The following SGO1 variants were observed in gnomAD, a reference collection of about 807,000 sequenced individuals.
SGO1 encodes the protein shugoshin 1, also known as serologically defined breast cancer antigen NY-BR-85.
In SGO1, 39 loss-of-function variants were observed where a neutral mutation model predicts 50.5. That is an observed-to-expected ratio of 0.77 (90% CI 0.60 to 1.01). SGO1 has a LOEUF of 1.01. Ranked by LOEUF, SGO1 falls within the 50% of genes least tolerant of loss-of-function variation. The pLI, the probability that SGO1 is intolerant of heterozygous loss-of-function variation, is 0.00. For synonymous variants in SGO1, 191 were observed against 205.1 expected, an observed-to-expected ratio of 0.93 and a Z score of 0.59; for missense variants, 638 against 606.0, an observed-to-expected ratio of 1.05 and a Z score of -0.55.
chr3:20,183,364 T>C (rs1347609060), intron 3 of SGO1, among the ~76,000 whole-genome samples: 3 of 152,238 alleles, frequency 2.0e-5, no homozygotes, highest in African/African-American at 7.2e-5. Flanking sequence ...CTATTTCTTC[T>C]GGATCCTGTT....
intron 3 of SGO1, among the ~76,000 whole-genome samples, chr3:20,180,809 A>G (rs571490401): frequency 6.6e-6 from 1 of 152,380 alleles, no homozygotes; most frequent in South Asian, 2.1e-4. Flanking sequence ...CATTAAAAAC[A>G]AAACAACTAG....
chr3:20,178,504 A>C (rs1701648644), intron 3 of SGO1, among the ~76,000 whole-genome samples, 157 bp from the exon 4 acceptor site: 1 of 152,246 alleles, frequency 6.6e-6, no homozygotes, highest in Admixed American at 6.5e-5. Flanking sequence ...AGTAAGTCTT[A>C]TCCTTTTAAA....
At chr3:20,177,361 C>A (rs929322744) in intron 4 of SGO1, 1 of 152,166 alleles carries the variant, frequency 6.6e-6, no homozygotes, top group Non-Finnish European at 1.5e-5. Context: ...AGTTTAAAAA[C>A]TACTAATGAT....
chr3:20,168,891 C>T, downstream of SGO1: 1 of 975,128 alleles, frequency 1.0e-6, no homozygotes, highest in Non-Finnish European at 1.2e-6. Flanking sequence ...CCTTGGCCTC[C>T]CAAAGTGCTG....
At position 20,174,677 on chromosome 3, in the gene SGO1, C is replaced by A; in HGVS notation, c.854G>T (p.Arg285Ile). ...SKSEQTKSKQ[R>I]DTQERKREEK... ...TTCTCTTTTTCTTTCTTGTGTATCT[C>A]TTTGCTTACTTTTAGTTTGTTCAGA... The change falls in exon 6 of 8, where the codon AGA (arginine) becomes ATA (isoleucine). Residue 285 changes from arginine (R) to isoleucine (I), a missense_variant. Physicochemically the swap from Arg to Ile is moderately conservative, Grantham distance 97. Transcript: ENST00000412997. 1 of 1,610,682 alleles carries A rather than the reference C, an allele frequency of 6.2e-7. No homozygotes were observed. The highest frequency in any genetic ancestry group is 2.2e-5 in the East Asian group (1 of 44,852).
exon 9 of SGO1, chr3:20,160,964 G>C: frequency 7.8e-7 from 1 of 1,277,906 alleles, no homozygotes; most frequent in Non-Finnish European, 1.1e-6. Context: ...ATTTTATTAT[G>C]TATGTAGGCT....
At position 20,161,218 on chromosome 3, in the gene SGO1, C is replaced by T. The variant is rs369926768; in HGVS notation, c.1573G>A (p.Glu525Lys). ...ATTGCTTCTTTGGCAGGTGATACCTCCAGGGCTCCTGGTAAAAGCAAACAC... is the reference window on the plus strand; with the variant it reads ...ATTGCTTCTTTGGCAGGTGATACCTTCAGGGCTCCTGGTAAAAGCAAACAC... Residue 525 changes from glutamate to lysine, a missense_variant, in exon 9 of 9, where the codon GAG (glutamate) becomes AAG (lysine). Transcript: ENST00000263753. 1.3e-5 allele frequency: 20 copies of T among 1,589,932 alleles called. No individual in the cohort carries two copies. The African/African-American group carries it at 2.3e-4, about 18-fold the overall frequency.
Position 20,173,047 on chromosome 3 carries a change from T to C in SGO1, c.1282+1202A>G, listed in dbSNP as rs150625171. Among the ~76,000 whole-genome samples, 28 of 152,136 alleles carry C rather than the reference T, an allele frequency of 1.8e-4. No homozygotes were observed. In the East Asian group the frequency reaches 5.4e-3, roughly 29 times the overall value. On this transcript the variant is annotated intron_variant, in intron 6 of 7. Coordinates refer to ENST00000412997, the MANE Select transcript of SGO1 (RefSeq NM_001199251.3). ...GTACACAAAGATGGCAATAACAGTA[T>C]AATAAACTCTGAGTTACCCAGGTCC...
intron 7 of SGO1, 65 bp downstream of exon 7, chr3:20,170,978 C>A: frequency 6.7e-7 from 1 of 1,498,266 alleles, no homozygotes; most frequent in Admixed American, 2.5e-5. Context: ...TTGAACAAAG[C>A]TCCATAACCT....
In SGO1 at chr3:20,173,352, C is replaced by G. The variant is rs184249765; in HGVS notation, c.1282+897G>C. 2.9e-3 allele frequency among the ~76,000 whole-genome samples: 436 copies of G among 152,186 alleles called. 1 individual carries two copies. The highest frequency in any genetic ancestry group is 9.9e-3 in the African/African-American group (413 of 41,530). ...ATGGGGTTTCACCATGTTGGCCAGG[C>G]TGGTCTTGGACTCCTGACCTCAGGT... On this transcript the variant is annotated intron_variant, in intron 6 of 7. Transcript: ENST00000412997.
In SGO1 at chr3:20,169,924, CAG is replaced by C. The variant is rs1462268795; in HGVS notation, c.*778_*779del. ...ATATTTATTTTACTCGAATACTACA[CAG>C]AGTTTCAAAAGATCCACAATAATTT... On this transcript the variant is annotated 3_prime_UTR_variant, in exon 8 of 8. Coordinates refer to ENST00000412997, the MANE Select transcript of SGO1 (RefSeq NM_001199251.3). The C allele has an allele frequency of 5.3e-5, 52 of 983,544 alleles. No individual in the cohort carries two copies. The highest frequency in any genetic ancestry group is 1.6e-4 in the African/African-American group (9 of 57,176). The allele number at this position is 983,544 out of a possible 1,614,324, so 60.9% of individuals were successfully genotyped here.
chr3:20,162,657 G>C (rs1007377474), intron 8 of SGO1, among the ~76,000 whole-genome samples: 9 of 151,956 alleles, frequency 5.9e-5, no homozygotes, highest in Admixed American at 1.3e-4. Flanking sequence ...AGAAATGACA[G>C]AGATAATGGA....
chr3:20,166,675 T>C (rs998457496), downstream of SGO1, among the ~76,000 whole-genome samples: 7 of 151,726 alleles, frequency 4.6e-5, no homozygotes, highest in African/African-American at 1.7e-4. Flanking sequence ...TGCACAATCA[T>C]GTGAATGTAC....
At position 20,183,985 on chromosome 3, in the gene SGO1, G is replaced by A; in HGVS notation, c.43C>T (p.Leu15Phe). Residue 15 changes from leucine to phenylalanine, a missense_variant, in exon 2 of 8, where the codon CTT becomes TTT. Coordinates refer to ENST00000412997, the MANE Select transcript of SGO1 (RefSeq NM_001199251.3). The part of the protein sequence containing the change: ...RCLKKSFQDS[L>F]EDIKKRMKEK... Reference sequence around the variant, plus strand: ...TTCATTCGCTTCTTTATGTCTTCAAGACTATCTTGAAAGGACTTTTTCAGG... The same window carrying A: ...TTCATTCGCTTCTTTATGTCTTCAAAACTATCTTGAAAGGACTTTTTCAGG... The A allele has an allele frequency of 1.2e-6, 2 of 1,605,356 alleles. No homozygotes were observed. Among genetic ancestry groups the A allele is most frequent in the Non-Finnish European group, 1.7e-6 (2 of 1,178,016 alleles).
chr3:20,170,847 T>C (rs752787437), intron 7 of SGO1, 32 bp from the exon 8 acceptor site: 1 of 1,577,644 alleles, frequency 6.3e-7, no homozygotes, highest in Non-Finnish European at 8.5e-7. Context: ...TCAGGCATAA[T>C]GTAAGCATCC....
downstream of SGO1, among the ~76,000 whole-genome samples, chr3:20,167,389 G>A (rs1473469659): frequency 6.6e-6 from 1 of 152,086 alleles, no homozygotes; most frequent in Non-Finnish European, 1.5e-5. Flanking sequence ...GGAATTATAA[G>A]CAAGGTATAA....
chr3:20,177,828 A>G (rs1337437243), intron 4 of SGO1, among the ~76,000 whole-genome samples: 1 of 152,208 alleles, frequency 6.6e-6, no homozygotes, highest in Non-Finnish European at 1.5e-5. Flanking sequence ...GGATCTAGAA[A>G]AATGAACTGG....
chr3:20,170,432 TAA>T lies in SGO1; in HGVS notation c.*270_*271del. On this transcript the variant is annotated 3_prime_UTR_variant, in exon 8 of 8. Coordinates refer to ENST00000412997, the MANE Select transcript of SGO1 (RefSeq NM_001199251.3). ...AAAAAAGATATATTTCGACTAAAAT[TAA>T]GAGGTTTAGGCAGCATAAGAAATCG... is the stretch of plus-strand genomic sequence containing the variant. The T allele has an allele frequency of 9.8e-7, 1 of 1,019,262 alleles. No individual in the cohort carries two copies. The highest frequency in any genetic ancestry group is 1.2e-6 in the Non-Finnish European group (1 of 851,714). 63.1% of individuals were successfully genotyped at this position (1,019,262 alleles called of 1,614,324 possible). A position where few individuals can be genotyped will look rare whatever the true frequency, so the allele number is the denominator to read the frequency against.
chr3:20,162,208 T>C (rs1049849737), intron 8 of SGO1, among the ~76,000 whole-genome samples: 4 of 152,192 alleles, frequency 2.6e-5, no homozygotes, highest in Admixed American at 2.6e-4. Context: ...TGAAACTTCA[T>C]GTAACTATGG....
Sources: gnomAD v4.1 joint callset for allele counts (sites outside exome capture counted in the v4.1 genomes callset) on GRCh38, gnomAD v4.1.1 for gene constraint, MANE v1.5 for transcripts, NCBI Gene and HGNC (gene_info 2026-07-23, HGNC 2026-07-21) for gene names.